CDHR3: variants seen among roughly 807,000 people sequenced by gnomAD.
CDHR3 encodes cadherin related family member 3.
Under a neutral mutation model 86.6 loss-of-function variants are expected in CDHR3, and 79 were observed. That is an observed-to-expected ratio of 0.91 (90% CI 0.76 to 1.10). CDHR3 has a LOEUF of 1.10. Among genes scored for constraint, CDHR3 ranks in the 50% least tolerant of loss-of-function variants. CDHR3 has a pLI of 0.00. For missense variants in CDHR3, 1,081 were observed against 1,077.6 expected (o/e 1.00, Z -0.04); for synonymous variants, 421 against 402.4 (o/e 1.05, Z -0.55).
chr7:105,968,007 G>A (rs936404564), intron 1 of CDHR3, among the ~76,000 whole-genome samples: 3 of 152,190 alleles, frequency 2.0e-5, no homozygotes, highest in Admixed American at 6.5e-5. Context: ...TGCTTTTGGT[G>A]TTTTAGACAT....
In CDHR3 at chr7:106,003,390, C is replaced by T. The variant is rs1473151891; in HGVS notation, c.863-1108C>T. 5.9e-5 allele frequency among the ~76,000 whole-genome samples: 9 copies of T among 152,244 alleles called. No homozygotes were observed. The East Asian group carries it at 1.5e-3, about 26-fold the overall frequency. ...GGGGACTTCTCTGCTCTTCTATAACCATCTTTTTCTGGGGCCTTAGTACAC... is the reference window on the plus strand; with the variant it reads ...GGGGACTTCTCTGCTCTTCTATAACTATCTTTTTCTGGGGCCTTAGTACAC... On this transcript the variant is annotated intron_variant, in intron 7 of 18. Transcript: ENST00000317716.
chr7:106,017,910 C>T lies in CDHR3; in HGVS notation c.1491C>T (p.Tyr497=). 6.2e-7 allele frequency: 1 copy of T among 1,609,820 alleles called. No individual in the cohort carries two copies. The highest frequency in any genetic ancestry group is 8.5e-7 in the Non-Finnish European group (1 of 1,177,876). ...DKDLPQSSLL[Y]SISTGGASLQ... ...ACCTCCCCCAGAGCAGCCTCCTGTA[C>T]TCCATCTCCACTGGAGGGGCCAGCC... The change falls in exon 12 of 19, where the codon TAC becomes TAT. Residue 497 remains tyrosine (Y), a synonymous_variant. Coordinates refer to ENST00000317716, the MANE Select transcript of CDHR3 (RefSeq NM_152750.5).
chr7:106,029,525 A>G (rs1482005961), intron 17 of CDHR3, among the ~76,000 whole-genome samples: 4 of 151,152 alleles, frequency 2.6e-5, no homozygotes, highest in Non-Finnish European at 5.9e-5. Flanking sequence ...GGATAGCTGG[A>G]AAGTTCCCTC....
In CDHR3 at chr7:106,005,529, G is replaced by T. The variant is rs192474171; in HGVS notation, c.1052+842G>T. Among the ~76,000 whole-genome samples, 101 of 152,338 alleles carry T rather than the reference G, an allele frequency of 6.6e-4. 1 individual carries two copies. Among genetic ancestry groups the T allele is most frequent in the African/African-American group, 2.3e-3 (97 of 41,584 alleles). ...GGGGAGCAACTCCACAGCAGCCCTT[G>T]CTAAGAGACAGCCCTGTATCTGGAG... On this transcript the variant is annotated intron_variant, in intron 8 of 18. Transcript: ENST00000317716.
At chr7:106,011,085 G>C (rs963812611) in intron 8 of CDHR3, among the ~76,000 whole-genome samples, 12 of 152,312 alleles carry the variant, frequency 7.9e-5, no homozygotes, top group Admixed American at 2.6e-4. Flanking sequence ...AGGTCTTCCA[G>C]GCACATTCTC....
intron 8 of CDHR3, among the ~76,000 whole-genome samples, chr7:106,005,507 G>T (rs1237314209): frequency 1.3e-5 from 2 of 152,208 alleles, no homozygotes; most frequent in Non-Finnish European, 2.9e-5. Context: ...GGGTTGTGGG[G>T]AGCAACTCCA....
Position 106,030,128 on chromosome 7 carries a change from C to T in CDHR3, c.2305-664C>T, listed in dbSNP as rs553523979. 7.6e-4 allele frequency among the ~76,000 whole-genome samples: 116 copies of T among 152,286 alleles called. 5 individuals are homozygous for T. The South Asian group carries it at 0.023, about 30-fold the overall frequency. On this transcript the variant is annotated intron_variant, in intron 17 of 18. Coordinates refer to ENST00000317716, the MANE Select transcript of CDHR3 (RefSeq NM_152750.5). This position sits in a 1 kb window ranked among gnomAD's most constrained non-coding sequence, Gnocchi z 4.8. ...TGTGCTAGTGACCCTGACTTTGGCA[C>T]CTCTAGAGGGCAGCATGTGAGGGAA...
intron 9 of CDHR3, among the ~76,000 whole-genome samples, chr7:106,013,951 G>A (rs1432820390): frequency 6.6e-6 from 1 of 151,842 alleles, no homozygotes; most frequent in Non-Finnish European, 1.5e-5. Context: ...ATATGCATAG[G>A]TATTTTTTAT....
chr7:105,987,305 C>T (rs1563248944), intron 4 of CDHR3, among the ~76,000 whole-genome samples: 1 of 152,110 alleles, frequency 6.6e-6, no homozygotes, highest in Non-Finnish European at 1.5e-5. Context: ...AGAGTTGCAG[C>T]AGAAATTGTT....
In CDHR3 at chr7:106,032,470, T is replaced by A. The variant is rs1232214106; in HGVS notation, c.2431T>A (p.Trp811Arg). The A allele has an allele frequency of 6.2e-7, 1 of 1,613,574 alleles. No individual in the cohort carries two copies. The highest frequency in any genetic ancestry group is 1.3e-5 in the African/African-American group (1 of 74,818). Residue 811 changes from tryptophan (W) to arginine (R), a missense_variant, in exon 19 of 19, where the codon TGG becomes AGG. Trp to Arg is a moderately radical substitution (Grantham distance 101, BLOSUM62 -3). Transcript: ENST00000317716. ...AGATCCACTAACCCAAATGCCAAAA[T>A]GGAAAGAGTCCAGCCACCAGGGAGC... ...WKDPLTQMPK[W>R]KESSHQGAAP...
chr7:105,986,484 T>G (rs1208653001), intron 4 of CDHR3, among the ~76,000 whole-genome samples: 1 of 152,156 alleles, frequency 6.6e-6, no homozygotes, highest in Non-Finnish European at 1.5e-5. Flanking sequence ...CAGCTGACAC[T>G]CCTATAACAA....
At chr7:105,993,677 CAAAAAAAAAAAAA>C (rs55787798) in intron 4 of CDHR3, among the ~76,000 whole-genome samples, 2 of 91,788 alleles carry the variant, frequency 2.2e-5, no homozygotes, top group African/African-American at 4.2e-5. Context: ...CTCTGTCTCA[CAAAAAAAAAAAAA>C]AAAAAAAAAA....
intron 15 of CDHR3, 69 bp from the exon 16 acceptor site, chr7:106,026,613 T>C: frequency 6.5e-7 from 1 of 1,530,756 alleles, no homozygotes; most frequent in Non-Finnish European, 9.1e-7. Flanking sequence ...AAGAACCCCA[T>C]GGTGTCATGT....
chr7:106,012,176 A>G (rs1834907127), intron 8 of CDHR3, among the ~76,000 whole-genome samples: 1 of 152,124 alleles, frequency 6.6e-6, no homozygotes, highest in South Asian at 2.1e-4. Flanking sequence ...CTTTGCCCTC[A>G]TAGAGTTTAC....
intron 8 of CDHR3, among the ~76,000 whole-genome samples, chr7:106,012,288 GAGAGGAAGTACCGGGCAGGGAACA>G (rs1163996458): frequency 1.3e-5 from 2 of 152,080 alleles, no homozygotes; most frequent in Non-Finnish European, 2.9e-5. Context: ...AGGGGAATAG[GAGAGGAAGTACCGGGCAGGGAACA>G]TTGCCATTCT....
intron 16 of CDHR3, chr7:106,027,529 C>G (rs962898855): frequency 1.0e-5 from 3 of 301,290 alleles, no homozygotes; most frequent in Non-Finnish European, 2.0e-5. Flanking sequence ...AGCTGACTGA[C>G]TTCAGAGAAG....
At chr7:106,004,855 G>A (rs10953488) in intron 8 of CDHR3, 168 bp downstream of exon 8, 160,959 of 625,532 alleles carry the variant, frequency 0.26, 21,705 homozygotes, top group Middle Eastern at 0.35. Context: ...CCTTGTTATC[G>A]TCCTTTTTTC....
At chr7:105,981,234 T>G in intron 3 of CDHR3, 101 bp downstream of exon 3, 369 of 1,072,720 alleles carry the variant, frequency 3.4e-4, no homozygotes, top group Non-Finnish European at 4.3e-4. Context: ...AAGCAGCTGT[T>G]TCCCTGGAAA....
At chr7:105,965,477 ATAAG>A (rs1270642322) in intron 1 of CDHR3, among the ~76,000 whole-genome samples, 3 of 152,156 alleles carry the variant, frequency 2.0e-5, no homozygotes, top group African/African-American at 7.2e-5. Flanking sequence ...CCATCTCAAA[ATAAG>A]TAAATAAATA....
Sources: gnomAD v4.1 joint callset for allele counts (sites outside exome capture counted in the v4.1 genomes callset) on GRCh38, gnomAD v4.1.1 for gene constraint, Gnocchi (gnomAD v3.1) non-coding constraint, MANE v1.5 for transcripts, NCBI Gene and HGNC (gene_info 2026-07-23, HGNC 2026-07-21) for gene names.